The following PKP2 variants were observed in gnomAD, a reference collection of about 807,000 sequenced individuals.
PKP2 encodes plakophilin 2, also known as plakophilin-2.
PKP2 carries 73 observed loss-of-function variants against 83.4 expected under a neutral mutation model. That is an observed-to-expected ratio of 0.88 (90% confidence interval 0.72 to 1.06). The LOEUF is 1.06. Ranked by LOEUF, PKP2 falls within the 50% of genes least tolerant of loss-of-function variation. The pLI, the probability that PKP2 is intolerant of heterozygous loss-of-function variation, is 0.00. For synonymous variants in PKP2, 409 were observed against 430.4 expected, an observed-to-expected ratio of 0.95 and a Z score of 0.62; for missense variants, 966 against 1,065.4, an observed-to-expected ratio of 0.91 and a Z score of 1.30.
chr12:32,798,970 T>G (rs1956155068), intron 10 of PKP2, among the ~76,000 whole-genome samples: 1 of 151,606 alleles, frequency 6.6e-6, no homozygotes, highest in South Asian at 2.1e-4. Context: ...ATCAGCAGAG[T>G]AAACAGACAC....
At chr12:32,879,541 A>T (rs1956966543) in intron 1 of PKP2, among the ~76,000 whole-genome samples, 1 of 151,510 alleles carries the variant, frequency 6.6e-6, no homozygotes, top group Non-Finnish European at 1.5e-5. Flanking sequence ...TCAAAAAGAA[A>T]GTTTTGGCTG....
rs1233128620 is a variant in PKP2, at chr12:32,858,084, A to AAAAT, written c.1171-7112_1171-7111insATTT. The stretch of plus-strand genomic sequence containing the variant: ...CTCTACAAAAAAAAAAAAAAAAAAA[A>AAAAT]ATATATATATATATATATATATATA... On this transcript the variant is annotated intron_variant, in intron 4 of 12. Transcript: ENST00000340811. 1.0e-4 allele frequency among the ~76,000 whole-genome samples: 7 copies of AAAAT among 67,026 alleles called. No individual in the cohort carries two copies. The East Asian group carries it at 1.9e-3, about 18-fold the overall frequency. The allele number at this position is 67,026 out of a possible 152,430, so 44.0% of individuals were successfully genotyped here.
chr12:32,855,794 A>AAAAAAAG (rs1459718298), intron 4 of PKP2, among the ~76,000 whole-genome samples: 1 of 148,290 alleles, frequency 6.7e-6, no homozygotes, highest in African/African-American at 2.6e-5. Context: ...AAAAAAAAAA[A>AAAAAAAG]AGGAAGAAAA....
intron 6 of PKP2, among the ~76,000 whole-genome samples, chr12:32,835,556 GA>G (rs1956538773): frequency 2.1e-4 from 1 of 4,746 alleles, no homozygotes; most frequent in Non-Finnish European, 2.8e-3. Context: ...AAAAGAAAAA[GA>G]GGAAAAAAAA....
At chr12:32,793,144 G>C (rs558995895) in intron 11 of PKP2, among the ~76,000 whole-genome samples, 1 of 152,146 alleles carries the variant, frequency 6.6e-6, no homozygotes, top group Non-Finnish European at 1.5e-5. Flanking sequence ...GGGAGGCTGA[G>C]GCAGGAGAAT....
At chr12:32,833,412 T>G (rs535523100) in intron 6 of PKP2, among the ~76,000 whole-genome samples, 1 of 152,204 alleles carries the variant, frequency 6.6e-6, no homozygotes, top group Non-Finnish European at 1.5e-5. Context: ...TGTAACTGAA[T>G]GCATTAAAAA....
intron 9 of PKP2, among the ~76,000 whole-genome samples, chr12:32,809,339 C>T (rs11561158): frequency 6.6e-6 from 1 of 152,192 alleles, no homozygotes; most frequent in Admixed American, 6.5e-5. Context: ...GGGGGTATCC[C>T]TTCCTCATCT....
rs532475697 is a variant in PKP2 at position 32,872,878 on chromosome 12, G to T, written c.1035-3816C>A. On this transcript the variant is annotated intron_variant, in intron 3 of 12. Transcript: ENST00000340811. ...CTGAGGCAAAAAAGCCTTGAACTGG[G>T]CTGTTAAAAATGGAAATGGAAAAAA... 3.3e-5 allele frequency among the ~76,000 whole-genome samples: 5 copies of T among 152,268 alleles called. No homozygotes were observed. In the East Asian group the frequency reaches 7.7e-4, roughly 23 times the overall value.
chr12:32,830,769 A>G (rs899034039), intron 6 of PKP2, among the ~76,000 whole-genome samples: 4 of 152,098 alleles, frequency 2.6e-5, no homozygotes, highest in African/African-American at 9.7e-5. Flanking sequence ...AGCTGGGTGT[A>G]GTAGCGCATG....
chr12:32,821,067 C>T, intron 9 of PKP2: 1 of 397,994 alleles, frequency 2.5e-6, no homozygotes, highest in Non-Finnish European at 4.7e-6. Flanking sequence ...AAGGCCCACC[C>T]TGGAGTTTTC....
At chr12:32,809,682 T>C (rs1956259569) in intron 9 of PKP2, among the ~76,000 whole-genome samples, 1 of 152,178 alleles carries the variant, frequency 6.6e-6, no homozygotes, top group African/African-American at 2.4e-5. Flanking sequence ...CGCACAGCTC[T>C]GTTTATTGGA....
rs117378017 is a variant in PKP2 at position 32,850,614 on chromosome 12, C to A, written c.1378+152G>T. On this transcript the variant is annotated intron_variant, in intron 5 of 12. Transcript: ENST00000340811. ...ATGTGGCTCAAATCTGGAGTCTAAG[C>A]CAGCAGGTAACAATGTTCCTTTAAA... 15,684 of 701,178 alleles carry A rather than the reference C, an allele frequency of 0.022. 246 individuals carry two copies. Among genetic ancestry groups the A allele is most frequent in the Non-Finnish European group, 0.027 (10,540 of 395,222 alleles). 43.4% of individuals were successfully genotyped at this position (701,178 alleles called of 1,614,324 possible).
intron 1 of PKP2, among the ~76,000 whole-genome samples, chr12:32,881,251 C>A (rs1251059059): frequency 2.0e-5 from 3 of 152,128 alleles, no homozygotes; most frequent in African/African-American, 4.8e-5. Flanking sequence ...GAGGCAGTGG[C>A]AGGCTTGTAA....
At chr12:32,840,684 G>C (rs1956581972) in intron 6 of PKP2, among the ~76,000 whole-genome samples, 1 of 152,120 alleles carries the variant, frequency 6.6e-6, no homozygotes, top group South Asian at 2.1e-4. Context: ...GTATTACTGT[G>C]TGATTAACTA....
At chr12:32,877,490 GGAT>G (rs1468722763) in intron 3 of PKP2, among the ~76,000 whole-genome samples, 1 of 152,128 alleles carries the variant, frequency 6.6e-6, no homozygotes, top group Non-Finnish European at 1.5e-5. Flanking sequence ...TTATTTCATG[GGAT>G]GATGAAGAAA....
At chr12:32,793,613 CTTTTT>C (rs35990527) in intron 11 of PKP2, among the ~76,000 whole-genome samples, 7 of 76,730 alleles carry the variant, frequency 9.1e-5, no homozygotes, top group African/African-American at 3.4e-4. Context: ...TCATATTCTG[CTTTTT>C]TTTTTTTTTT....
At chr12:32,806,685 T>TG (rs1181924151) in intron 9 of PKP2, among the ~76,000 whole-genome samples, 17 of 150,936 alleles carry the variant, frequency 1.1e-4, no homozygotes, top group East Asian at 6.0e-4. Context: ...TTTTGAAGGG[T>TG]TTGTGTGTGT....
At chr12:32,830,044 C>T (rs1956484397) in intron 6 of PKP2, among the ~76,000 whole-genome samples, 1 of 152,212 alleles carries the variant, frequency 6.6e-6, no homozygotes, top group African/African-American at 2.4e-5. Flanking sequence ...GCATCACCAA[C>T]AAGTATAGAC....
rs779173447 is a variant in PKP2, at chr12:32,877,895, T to C, written c.985A>G (p.Ser329Gly). 9 of 1,614,152 alleles carry C rather than the reference T, an allele frequency of 5.6e-6. No individual in the cohort carries two copies. The East Asian group carries it at 6.7e-5, about 12-fold the overall frequency. Residue 329 changes from serine to glycine, a missense_variant, in exon 3 of 13, where the codon AGT becomes GGT. Coordinates refer to ENST00000340811, the MANE Select transcript of PKP2 (RefSeq NM_001005242.3). ...LTVGQAAAGG[S>G]GNLLTERSTF... Reference sequence around the variant, plus strand: ...CTTCTCTCAGTGAGCAGATTCCCACTTCCCCCTGCGGCCGCCTGGCCGACA... The same window carrying C: ...CTTCTCTCAGTGAGCAGATTCCCACCTCCCCCTGCGGCCGCCTGGCCGACA...
Sources: gnomAD v4.1 joint callset for allele counts (sites outside exome capture counted in the v4.1 genomes callset) on GRCh38, gnomAD v4.1.1 for gene constraint, MANE v1.5 for transcripts, NCBI Gene and HGNC (gene_info 2026-07-23, HGNC 2026-07-21) for gene names.